LRRN3: variants seen among roughly 807,000 people sequenced by gnomAD.
LRRN3 encodes the protein leucine-rich repeat neuronal protein 3.
Under a neutral mutation model 40.1 loss-of-function variants are expected in LRRN3, and 15 were observed. The observed-to-expected ratio is 0.37, with a 90% CI of 0.25 to 0.58. LRRN3 has a LOEUF of 0.58. Among genes scored for constraint, LRRN3 ranks in the 20% least tolerant of loss-of-function variants. The probability of loss-of-function intolerance (pLI) is 0.72; values close to 1 mark genes in which losing one functional copy is unlikely to be tolerated. For missense variants in LRRN3, 746 were observed against 837.7 expected, an observed-to-expected ratio of 0.89 and a Z score of 1.35; for synonymous variants, 308 against 297.2, an observed-to-expected ratio of 1.04 and a Z score of -0.37.
chr7:111,123,108 A>T lies in LRRN3; in HGVS notation c.336A>T (p.Val112=). ...TATCTTCAGTCACCAATATTAATGT[A>T]AAAAAGATGCCTCAGCTCCTTTCTG... is the stretch of plus-strand genomic sequence containing the variant. The part of the protein sequence containing the change: ...NNLSSVTNIN[V]KKMPQLLSVY... Residue 112 remains valine (V), a synonymous_variant, in exon 3 of 3, where the codon GTA becomes GTT. Transcript: ENST00000308478. The surrounding 1 kb of genome is among the most constrained non-coding windows in gnomAD (Gnocchi z 6.4). The T allele has an allele frequency of 6.2e-7, 1 of 1,613,584 alleles. No individual in the cohort carries two copies. Among genetic ancestry groups the T allele is most frequent in the Non-Finnish European group, 8.5e-7 (1 of 1,179,704 alleles).
chr7:111,095,079 A>G (rs1476975199), intron 1 of LRRN3, among the ~76,000 whole-genome samples: 3 of 152,024 alleles, frequency 2.0e-5, no homozygotes, highest in Admixed American at 2.0e-4. Flanking sequence ...TTAGGCCATA[A>G]TAAGGGAAGA....
At chr7:111,099,455 G>A (rs1409729034) in intron 1 of LRRN3, among the ~76,000 whole-genome samples, 1 of 151,706 alleles carries the variant, frequency 6.6e-6, no homozygotes, top group Non-Finnish European at 1.5e-5. Context: ...TTCAAACTGA[G>A]GATGCTGAGC....
chr7:111,114,837 T>G lies in LRRN3; in HGVS notation c.-358-7578T>G, dbSNP rs944060795. ...TACAAAAATTATATAATAATAGAAT[T>G]TGAAGGTGATTTTTATTTTAGAAAT... On this transcript the variant is annotated intron_variant, in intron 2 of 2. Transcript: ENST00000308478. 1.2e-4 allele frequency among the ~76,000 whole-genome samples: 18 copies of G among 152,162 alleles called. 1 individual carries two copies. The East Asian group carries it at 2.1e-3, about 18-fold the overall frequency.
At chr7:111,117,813 G>C (rs1800073955) in intron 2 of LRRN3, among the ~76,000 whole-genome samples, 1 of 151,980 alleles carries the variant, frequency 6.6e-6, no homozygotes, top group Non-Finnish European at 1.5e-5. Flanking sequence ...ATGTACCCAT[G>C]GCAATTTTTT....
In LRRN3 at chr7:111,122,863, C is replaced by A; in HGVS notation, c.91C>A (p.Arg31=). Residue 31 remains arginine (R), a synonymous_variant, in exon 3 of 3, where the codon CGG becomes AGG. Coordinates refer to ENST00000308478, the MANE Select transcript of LRRN3 (RefSeq NM_001099658.2). ...QAVDKKVDCP[R]LCTCEIRPWF... is the part of the protein sequence containing the mutation. ...TGTAGATAAAAAAGTGGATTGTCCA[C>A]GGTTATGTACGTGTGAAATCAGGCC... is the stretch of plus-strand genomic sequence containing the variant. 6.2e-7 allele frequency: 1 copy of A among 1,613,908 alleles called. No individual in the cohort carries two copies. The highest frequency in any genetic ancestry group is 1.1e-5 in the South Asian group (1 of 91,074).
intron 2 of LRRN3, among the ~76,000 whole-genome samples, chr7:111,114,649 T>C (rs547086515): frequency 1.3e-5 from 2 of 151,338 alleles, no homozygotes; most frequent in Admixed American, 6.6e-5. Context: ...GGCAGGAGAA[T>C]TGTTTGAACC....
intron 2 of LRRN3, among the ~76,000 whole-genome samples, chr7:111,111,279 C>A (rs1044008017): frequency 6.9e-6 from 1 of 144,134 alleles, no homozygotes; most frequent in African/African-American, 2.6e-5. Context: ...ATCGCCCATG[C>A]TCTTCATGGG....
chr7:111,102,812 C>T (rs1178126957), intron 2 of LRRN3, among the ~76,000 whole-genome samples: 2 of 151,502 alleles, frequency 1.3e-5, no homozygotes, highest in Non-Finnish European at 3.0e-5. Context: ...ATCCTCTTTG[C>T]TAGGGTCATA....
chr7:111,125,062 G>A lies in LRRN3; in HGVS notation c.*163G>A, dbSNP rs1198050564. The A allele has an allele frequency of 3.6e-6, 2 of 555,396 alleles. No homozygotes were observed. Among genetic ancestry groups the A allele is most frequent in the Non-Finnish European group, 6.3e-6 (2 of 316,196 alleles). The allele number at this position is 555,396 out of a possible 1,614,324, so 34.4% of individuals were successfully genotyped here. A position where few individuals can be genotyped will look rare whatever the true frequency, so the allele number is the denominator to read the frequency against. ...TTCACCAATGCTGCTCCTGACCAAT[G>A]GAAATATGTACAACTTCAGCATTTT... On this transcript the variant is annotated 3_prime_UTR_variant, in exon 3 of 3. Transcript: ENST00000308478.
intron 2 of LRRN3, among the ~76,000 whole-genome samples, chr7:111,113,222 T>TTACAAACCA (rs1457856994): frequency 3.1e-4 from 47 of 152,296 alleles, no homozygotes; most frequent in African/African-American, 1.1e-3. Flanking sequence ...CTTACCTTCT[T>TTACAAACCA]TACAAACCAG....
intron 2 of LRRN3, among the ~76,000 whole-genome samples, chr7:111,111,674 T>C (rs577631850): frequency 6.6e-6 from 1 of 151,946 alleles, no homozygotes; most frequent in East Asian, 1.9e-4. Context: ...CCTGCGTCAA[T>C]AGTAATTTTA....
intron 2 of LRRN3, among the ~76,000 whole-genome samples, chr7:111,119,364 A>G (rs1413389233): frequency 6.6e-6 from 1 of 152,204 alleles, no homozygotes; most frequent in Non-Finnish European, 1.5e-5. Context: ...CTCCAGACTG[A>G]AATTTTACTA....
chr7:111,099,491 T>C (rs1326437308), intron 1 of LRRN3, among the ~76,000 whole-genome samples: 1 of 151,672 alleles, frequency 6.6e-6, no homozygotes, highest in Non-Finnish European at 1.5e-5. Flanking sequence ...AGTAGAAGCG[T>C]TCTATATTAG....
chr7:111,121,186 C>A (rs755957443), intron 2 of LRRN3, among the ~76,000 whole-genome samples: 17 of 152,170 alleles, frequency 1.1e-4, no homozygotes, highest in African/African-American at 1.7e-4. Context: ...ATCCTTCGCC[C>A]ACTTTTTGAT....
At chr7:111,119,166 T>C (rs922182836) in intron 2 of LRRN3, among the ~76,000 whole-genome samples, 2 of 152,186 alleles carry the variant, frequency 1.3e-5, no homozygotes, top group Non-Finnish European at 2.9e-5. Flanking sequence ...GAAGTAATGG[T>C]TTCTCCATTC....
At chr7:111,102,730 T>G (rs1798109173) in intron 2 of LRRN3, among the ~76,000 whole-genome samples, 1 of 151,590 alleles carries the variant, frequency 6.6e-6, no homozygotes, top group African/African-American at 2.4e-5. Flanking sequence ...TTCGTGCTAT[T>G]CTATTAGAAA....
rs1801147944 is a variant in LRRN3 at position 111,125,025 on chromosome 7, A to C, written c.*126A>C. The C allele has an allele frequency of 1.4e-6, 1 of 727,742 alleles. No individual in the cohort carries two copies. Among genetic ancestry groups the C allele is most frequent in the Non-Finnish European group, 2.2e-6 (1 of 454,202 alleles). 45.1% of individuals were successfully genotyped at this position (727,742 alleles called of 1,614,324 possible). ...AGTAAAAAAAGATTACTTTCGAGAG[A>C]GAAGTTTAAGCTTCACCAATGCTGC... On this transcript the variant is annotated 3_prime_UTR_variant, in exon 3 of 3. Transcript: ENST00000308478.
rs1302627920 is a variant in LRRN3 at position 111,124,521 on chromosome 7, G to C, written c.1749G>C (p.Leu583=). The change falls in exon 3 of 3, where the codon CTG becomes CTC. Residue 583 remains leucine, a synonymous_variant. Transcript: ENST00000308478. ...SDVKVYNLTH[L]NPSTEYKICI... ...TCAAGGTATATAATCTTACTCATCT[G>C]AATCCATCAACTGAGTATAAAATTT... 9 of 1,613,840 alleles carry C rather than the reference G, an allele frequency of 5.6e-6. No individual in the cohort carries two copies. The highest frequency in any genetic ancestry group is 2.2e-5 in the East Asian group (1 of 44,826).
At chr7:111,099,082 G>A (rs1797696883) in intron 1 of LRRN3, among the ~76,000 whole-genome samples, 1 of 151,576 alleles carries the variant, frequency 6.6e-6, no homozygotes, top group Admixed American at 6.6e-5. Context: ...TCAATTCACA[G>A]CTAGACCTGT....
Sources: gnomAD v4.1 joint callset for allele counts (sites outside exome capture counted in the v4.1 genomes callset) on GRCh38, gnomAD v4.1.1 for gene constraint, Gnocchi (gnomAD v3.1) non-coding constraint, MANE v1.5 for transcripts, NCBI Gene and HGNC (gene_info 2026-07-23, HGNC 2026-07-21) for gene names.